Variants in SULT1E1 observed in about 807,000 individuals in gnomAD.
SULT1E1 encodes the protein sulfotransferase family 1E member 1.
SULT1E1 carries 36 observed loss-of-function variants against 33.6 expected under a neutral mutation model. The observed-to-expected ratio is 1.07, with a 90% CI of 0.82 to 1.41. SULT1E1 has a LOEUF of 1.41. Among genes scored for constraint, SULT1E1 ranks in the 40% most tolerant of loss-of-function variants. The pLI is 0.00. For synonymous variants in SULT1E1, 121 were observed against 111.7 expected (o/e 1.08, Z -0.53); for missense variants, 371 against 345.7 (o/e 1.07, Z -0.58).
the SULT1E1 span, among the ~76,000 whole-genome samples, chr4:69,821,457 AG>A: frequency 6.6e-6 from 1 of 152,232 alleles, no homozygotes; most frequent in Non-Finnish European, 1.5e-5. Context: ...CAGATATGAA[AG>A]GGCTGGATTT....
intron 4 of SULT1E1, among the ~76,000 whole-genome samples, chr4:69,851,198 T>A (rs926222421): frequency 6.6e-6 from 1 of 152,110 alleles, no homozygotes; most frequent in Non-Finnish European, 1.5e-5. Context: ...ACCTACAGAA[T>A]GGGAGAAAAT....
intron 2 of SULT1E1, among the ~76,000 whole-genome samples, chr4:69,856,545 C>A (rs537553163): frequency 2.0e-5 from 3 of 152,142 alleles, no homozygotes; most frequent in Non-Finnish European, 4.4e-5. Context: ...GAGATTGAAT[C>A]TAGAATAGCT....
chr4:69,844,109 C>T (rs1368354835), intron 7 of SULT1E1, 52 bp downstream of exon 7: 4 of 1,578,804 alleles, frequency 2.5e-6, no homozygotes, highest in Non-Finnish European at 3.5e-6. Context: ...TGCCTATAAC[C>T]ATGTCACCTT....
intron 5 of SULT1E1, 131 bp downstream of exon 5, chr4:69,849,305 CT>C: frequency 9.0e-7 from 1 of 1,107,584 alleles, no homozygotes; most frequent in Non-Finnish European, 1.3e-6. Flanking sequence ...CTCCAGGCGC[CT>C]TTAGATTTCT....
At chr4:69,847,977 T>C (rs1030067496) in intron 5 of SULT1E1, among the ~76,000 whole-genome samples, 185 bp from the exon 6 acceptor site, 2 of 151,776 alleles carry the variant, frequency 1.3e-5, no homozygotes. Context: ...AAATAATCTA[T>C]GTATGTAAAA....
intron 1 of SULT1E1, among the ~76,000 whole-genome samples, chr4:69,859,721 C>G (rs1721325627): frequency 6.6e-6 from 1 of 152,074 alleles, no homozygotes; most frequent in South Asian, 2.1e-4. Context: ...AATCTCTATT[C>G]TACCTCCTTC....
In SULT1E1 at chr4:69,847,733, G is replaced by C. The variant is rs753982089; in HGVS notation, c.556C>G (p.Arg186Gly). The stretch of plus-strand genomic sequence containing the variant: ...TCTTCGTAGAAAAGAAATAGTACAC[G>C]TGGACTCTTTCCCTTTTCCCACCAA... ...KSWWEKGKSP[R>G]VLFLFYEDLK... is the part of the protein sequence containing the mutation. The change falls in exon 6 of 8, where the codon CGT (arginine) becomes GGT (glycine). Residue 186 changes from arginine to glycine, a missense_variant. Arg to Gly is a moderately radical substitution (Grantham distance 125). Coordinates refer to ENST00000226444, the MANE Select transcript of SULT1E1 (RefSeq NM_005420.3). 1 of 1,608,912 alleles carries C rather than the reference G, an allele frequency of 6.2e-7. No homozygotes were observed.
At chr4:69,825,778 C>T in the SULT1E1 span, among the ~76,000 whole-genome samples, 3 of 152,146 alleles carry the variant, frequency 2.0e-5, no homozygotes, top group African/African-American at 4.8e-5. Context: ...AAGTGAGACT[C>T]GCCCATCTAT....
the SULT1E1 span, among the ~76,000 whole-genome samples, chr4:69,821,500 A>C: frequency 6.6e-5 from 10 of 152,228 alleles, no homozygotes; most frequent in Admixed American, 3.3e-4. Flanking sequence ...TTATGCAGCC[A>C]AATTATCTGT....
the SULT1E1 span, among the ~76,000 whole-genome samples, chr4:69,835,530 G>C: frequency 6.6e-6 from 1 of 152,254 alleles, no homozygotes; most frequent in South Asian, 2.1e-4. Flanking sequence ...AGATAGAAAG[G>C]CTATGACTGG....
chr4:69,842,322 G>A (rs2110064794), intron 7 of SULT1E1, among the ~76,000 whole-genome samples: 1 of 152,156 alleles, frequency 6.6e-6, no homozygotes, highest in East Asian at 1.9e-4. Context: ...TTAATTCTCT[G>A]ATTCTTTCTT....
At chr4:69,846,205 T>C (rs1271373811) in intron 6 of SULT1E1, among the ~76,000 whole-genome samples, 2 of 148,654 alleles carry the variant, frequency 1.3e-5, no homozygotes, top group African/African-American at 4.9e-5. Context: ...ACCTATTACC[T>C]ACTACTTAAC....
At chr4:69,827,973 C>T in the SULT1E1 span, among the ~76,000 whole-genome samples, 2 of 152,250 alleles carry the variant, frequency 1.3e-5, no homozygotes, top group Non-Finnish European at 2.9e-5. Flanking sequence ...GATGCAATCA[C>T]TGGAAGGCAC....
At chr4:69,852,706 G>A (rs1214083353) in intron 4 of SULT1E1, among the ~76,000 whole-genome samples, 1 of 151,754 alleles carries the variant, frequency 6.6e-6, no homozygotes, top group African/African-American at 2.4e-5. Context: ...TTTTGTTGTT[G>A]TTGTTTCTCT....
intron 4 of SULT1E1, among the ~76,000 whole-genome samples, chr4:69,850,648 T>C (rs1721082611): frequency 1.3e-5 from 2 of 152,102 alleles, no homozygotes; most frequent in Non-Finnish European, 2.9e-5. Context: ...ATTAGCTGAA[T>C]GGAACCCTTT....
chr4:69,835,296 G>A, the SULT1E1 span, among the ~76,000 whole-genome samples: 1 of 152,152 alleles, frequency 6.6e-6, no homozygotes, highest in Non-Finnish European at 1.5e-5. Flanking sequence ...ACTAATATTA[G>A]AGTTGATTGT....
intron 7 of SULT1E1, 87 bp from the exon 8 acceptor site, chr4:69,842,193 TA>T: frequency 1.4e-6 from 1 of 711,216 alleles, no homozygotes; most frequent in Non-Finnish European, 2.4e-6. Flanking sequence ...CATTAACACC[TA>T]ATCAAATATT....
chr4:69,858,698 A>G (rs1017995965), intron 1 of SULT1E1, among the ~76,000 whole-genome samples: 5 of 152,142 alleles, frequency 3.3e-5, no homozygotes, highest in Non-Finnish European at 7.4e-5. Flanking sequence ...GTCACCAAAA[A>G]TATGAGATTT....
chr4:69,844,372 T>C (rs2110066045), intron 6 of SULT1E1, 31 bp from the exon 7 acceptor site: 1 of 1,523,572 alleles, frequency 6.6e-7, no homozygotes, highest in Non-Finnish European at 9.0e-7. Flanking sequence ...GAGAACTAAA[T>C]TGCTAAAACT....
Sources: gnomAD v4.1 joint callset for allele counts (sites outside exome capture counted in the v4.1 genomes callset) on GRCh38, gnomAD v4.1.1 for gene constraint, MANE v1.5 for transcripts, NCBI Gene and HGNC (gene_info 2026-07-23, HGNC 2026-07-21) for gene names.